GNS: variants seen among roughly 807,000 people sequenced by gnomAD.
GNS encodes N-acetylglucosamine-6-sulfatase.
In GNS, 40 loss-of-function variants were observed where a neutral mutation model predicts 69.7. The observed-to-expected ratio is 0.57, with a 90% CI of 0.45 to 0.75. The LOEUF (loss-of-function observed/expected upper bound fraction) is 0.75, where lower values mean the gene tolerates loss of function less well. Among genes scored for constraint, GNS ranks in the 30% least tolerant of loss-of-function variants. The pLI, the probability that GNS is intolerant of heterozygous loss-of-function variation, is 0.00. For synonymous variants in GNS, 243 were observed against 251.6 expected (o/e 0.97, Z 0.32); for missense variants, 565 against 685.5 (o/e 0.82, Z 1.96).
At chr12:64,741,791 T>C (rs891630898) in intron 6 of GNS, among the ~76,000 whole-genome samples, 3 of 152,212 alleles carry the variant, frequency 2.0e-5, no homozygotes, top group Non-Finnish European at 2.9e-5. Flanking sequence ...CAAAGTGTTA[T>C]TAAGTTTGAG....
At chr12:64,731,115 C>T (rs1869377172) in intron 9 of GNS, among the ~76,000 whole-genome samples, 1 of 152,172 alleles carries the variant, frequency 6.6e-6, no homozygotes, top group South Asian at 2.1e-4. Flanking sequence ...CTCATTTTGT[C>T]ACCCGAGCTG....
At position 64,744,913 on chromosome 12, in the gene GNS, A is replaced by G. The variant is rs1457351747; in HGVS notation, c.526-6T>C. 1.5e-6 allele frequency: 2 copies of G among 1,296,608 alleles called. No individual in the cohort carries two copies. The allele number at this position is 1,296,608 out of a possible 1,614,324, so 80.3% of individuals were successfully genotyped here. A position where few individuals can be genotyped will look rare whatever the true frequency, so the allele number is the denominator to read the frequency against. ...TAATACTTAGAATTCTTTTCCTATT[A>G]AAAAGAGGAAAGTCAAATTTGTTAT... On this transcript the variant is annotated splice_polypyrimidine_tract_variant and splice_region_variant and intron_variant, in intron 4 of 13. Transcript: ENST00000258145.
In GNS at chr12:64,716,566, T is replaced by C. The variant is rs1000014569; in HGVS notation, c.*175A>G. 3.0e-6 allele frequency: 2 copies of C among 671,992 alleles called. No individual in the cohort carries two copies. The highest frequency in any genetic ancestry group is 5.6e-5 in the East Asian group (2 of 36,022). 41.6% of individuals were successfully genotyped at this position (671,992 alleles called of 1,614,324 possible). On this transcript the variant is annotated 3_prime_UTR_variant, in exon 14 of 14. Transcript: ENST00000258145. ...CCTGACACATGGGCAGAGTTCACAG[T>C]TTAACACATTGCACGAGGAAGTCAG...
At chr12:64,749,400 C>T (rs1184175284) in intron 2 of GNS, among the ~76,000 whole-genome samples, 1 of 151,298 alleles carries the variant, frequency 6.6e-6, no homozygotes, top group Non-Finnish European at 1.5e-5. Flanking sequence ...CTACAGGTGC[C>T]CGCCACCACG....
intron 8 of GNS, among the ~76,000 whole-genome samples, chr12:64,738,394 A>G (rs1425914570): frequency 2.0e-5 from 3 of 152,210 alleles, no homozygotes; most frequent in African/African-American, 7.2e-5. Context: ...AGTTGCTTCA[A>G]AACCTTCTAG....
intron 12 of GNS, among the ~76,000 whole-genome samples, chr12:64,720,499 TAGAAC>T (rs1163775716): frequency 6.6e-6 from 1 of 152,144 alleles, no homozygotes; most frequent in African/African-American, 2.4e-5. Context: ...CTTCTGTAAT[TAGAAC>T]AGAAAGCAGG....
At chr12:64,725,402 G>A (rs1333844869) in intron 10 of GNS, among the ~76,000 whole-genome samples, 4 of 152,212 alleles carry the variant, frequency 2.6e-5, no homozygotes, top group African/African-American at 9.6e-5. Flanking sequence ...CCAACTGCTA[G>A]TCCAGCAGAA....
chr12:64,738,157 G>A lies in GNS; in HGVS notation c.995-1050C>T, dbSNP rs181025817. ...CCCGAGTAGCTGAGACTACAGGCAT[G>A]TGCCACCACACCTGGCTAATTTTTG... On this transcript the variant is annotated intron_variant, in intron 8 of 13. Transcript: ENST00000258145. Among the ~76,000 whole-genome samples the A allele has an allele frequency of 1.4e-4, 21 of 152,174 alleles. No individual in the cohort carries two copies. The East Asian group carries it at 1.9e-3, about 14-fold the overall frequency.
intron 9 of GNS, among the ~76,000 whole-genome samples, chr12:64,735,790 G>A (rs929828522): frequency 6.6e-6 from 1 of 152,202 alleles, no homozygotes; most frequent in African/African-American, 2.4e-5. Flanking sequence ...GAGGAAGCCT[G>A]TTTAGAAGGC....
rs1870265955 is a variant in GNS, at chr12:64,756,823, C to T, written c.192+2262G>A. Reference sequence around the variant, plus strand: ...TTAAGTTTGACTTATGCCCTCCACTCAATTTTGGTACCTCTCTCCAGTAGA... The same window carrying T: ...TTAAGTTTGACTTATGCCCTCCACTTAATTTTGGTACCTCTCTCCAGTAGA... On this transcript the variant is annotated intron_variant, in intron 1 of 13. Transcript: ENST00000258145. 4.8e-6 allele frequency: 4 copies of T among 835,262 alleles called. No homozygotes were observed. The South Asian group carries it at 5.9e-5, about 12-fold the overall frequency. The allele number at this position is 835,262 out of a possible 1,614,324, so 51.7% of individuals were successfully genotyped here. A position where few individuals can be genotyped will look rare whatever the true frequency, so the allele number is the denominator to read the frequency against.
intron 9 of GNS, chr12:64,729,335 C>T: frequency 2.5e-6 from 1 of 396,074 alleles, no homozygotes; most frequent in Non-Finnish European, 4.6e-6. Flanking sequence ...TTTTTGAAAA[C>T]TCCTTTGGGA....
In GNS at chr12:64,740,620, A is replaced by G; in HGVS notation, c.861T>C (p.Asn287=). 1 of 1,548,026 alleles carries G rather than the reference A, an allele frequency of 6.5e-7. No homozygotes were observed. The highest frequency in any genetic ancestry group is 8.9e-7 in the Non-Finnish European group (1 of 1,119,670). Reference sequence around the variant, plus strand: ...GCAGCTCTTACCTTTTCCTAAATGCATTATCTAAAAACTGTATTGAAGAAT... The same window carrying G: ...GCAGCTCTTACCTTTTCCTAAATGCGTTATCTAAAAACTGTATTGAAGAAT... ...MTNSSIQFLD[N]AFRKRWQTLL... Residue 287 remains asparagine (N), a synonymous_variant, in exon 7 of 14, where the codon AAT becomes AAC. Coordinates refer to ENST00000258145, the MANE Select transcript of GNS (RefSeq NM_002076.4).
At chr12:64,758,470 GCGC>G (rs1870346413) in intron 1 of GNS, among the ~76,000 whole-genome samples, 1 of 151,844 alleles carries the variant, frequency 6.6e-6, no homozygotes, top group African/African-American at 2.4e-5. Context: ...CTACAGCTGC[GCGC>G]CACCACGCCC....
rs1869939120 is a variant in GNS at position 64,747,748 on chromosome 12, AC to A, written c.422del (p.Gly141ValfsTer11). The A allele has an allele frequency of 6.2e-7, 1 of 1,612,056 alleles. No individual in the cohort carries two copies. The highest frequency in any genetic ancestry group is 1.1e-5 in the South Asian group (1 of 91,038). On this transcript the variant is annotated frameshift_variant, in exon 3 of 14. Transcript: ENST00000258145. LOFTEE classifies it high-confidence loss of function. ...TFPAILRSMC[G>X]YQTFFAGKYL... ...ATTTCCCTGCAAAAAAGGTCTGATA[AC>A]CACACATTGATCTGAGAATTGCTGG...
chr12:64,745,484 T>C (rs532065714), intron 4 of GNS, among the ~76,000 whole-genome samples, 175 bp downstream of exon 4: 3 of 152,184 alleles, frequency 2.0e-5, no homozygotes, highest in African/African-American at 7.2e-5. Flanking sequence ...CCTCCCAAAG[T>C]GTTGGGATTC....
At chr12:64,740,575 A>G (rs1869700041) in intron 7 of GNS, 31 bp downstream of exon 7, 1 of 1,150,894 alleles carries the variant, frequency 8.7e-7, no homozygotes, top group African/African-American at 1.5e-5. Flanking sequence ...CTTTAAAACC[A>G]CTCAGATTGT....
intron 2 of GNS, among the ~76,000 whole-genome samples, chr12:64,751,187 G>C (rs1172235258): frequency 6.6e-6 from 1 of 152,102 alleles, no homozygotes; most frequent in African/African-American, 2.4e-5. Context: ...CCTTTTCTCT[G>C]TCTTTATATA....
At chr12:64,756,605 G>T in intron 1 of GNS, 1 of 669,524 alleles carries the variant, frequency 1.5e-6, no homozygotes, top group East Asian at 2.8e-5. Context: ...TTAAGATAAG[G>T]ATACTATGTA....
chr12:64,755,223 C>A (rs1329135467), intron 1 of GNS, among the ~76,000 whole-genome samples: 1 of 152,162 alleles, frequency 6.6e-6, no homozygotes, highest in Admixed American at 6.5e-5. Flanking sequence ...TGGTTCCATG[C>A]ACAGTTGCTC....
Sources: gnomAD v4.1 joint callset for allele counts (sites outside exome capture counted in the v4.1 genomes callset) on GRCh38, gnomAD v4.1.1 for gene constraint, MANE v1.5 for transcripts, NCBI Gene and HGNC (gene_info 2026-07-23, HGNC 2026-07-21) for gene names.